Variants in GPSM1 observed in about 807,000 individuals in gnomAD.
GPSM1 encodes the protein G protein signaling modulator 1.
In GPSM1, 48 loss-of-function variants were observed where a neutral mutation model predicts 70.5. That is an observed-to-expected ratio of 0.68 (90% CI 0.54 to 0.87). GPSM1 has a LOEUF of 0.87. GPSM1 is among the 40% of genes least tolerant of loss of function. The probability of loss-of-function intolerance (pLI) is 0.00; values close to 1 mark genes in which losing one functional copy is unlikely to be tolerated. For missense variants in GPSM1, 981 were observed against 972.6 expected, an observed-to-expected ratio of 1.01 and a Z score of -0.11; for synonymous variants, 416 against 430.1, an observed-to-expected ratio of 0.97 and a Z score of 0.41.
chr9:136,327,814 C>A, intron 1 of GPSM1, 51 bp downstream of exon 1: 1 of 767,164 alleles, frequency 1.3e-6, no homozygotes, highest in Non-Finnish European at 1.7e-6. Flanking sequence ...CCGGACCGGG[C>A]CGGGTCGGGA....
In GPSM1 at chr9:136,358,704, G is replaced by A; in HGVS notation, c.*484G>A. The A allele has an allele frequency of 4.9e-6, 1 of 203,484 alleles. No homozygotes were observed. Among genetic ancestry groups the A allele is most frequent in the South Asian group, 7.8e-5 (1 of 12,776 alleles). The allele number at this position is 203,484 out of a possible 1,614,324, so 12.6% of individuals were successfully genotyped here. ...GCTCCACCCCTCCAGCTTCGTCCTG[G>A]GGCAGGGCTCCCTCCAAGCCTGTCT... On this transcript the variant is annotated 3_prime_UTR_variant, in exon 14 of 14. Transcript: ENST00000440944.
At position 136,341,892 on chromosome 9, in the gene GPSM1, C is replaced by T. The variant is rs185667782; in HGVS notation, c.1207+899C>T. On this transcript the variant is annotated intron_variant, in intron 9 of 13. Transcript: ENST00000440944. The surrounding 1 kb of genome is among the most constrained non-coding windows in gnomAD (Gnocchi z 6.7). Reference sequence around the variant, plus strand: ...TGTCAAACTCCCAGCCTCAAGCGATCCTCCCATCTCGGCTTCCAGAAGTGC... The same window carrying T: ...TGTCAAACTCCCAGCCTCAAGCGATTCTCCCATCTCGGCTTCCAGAAGTGC... The T allele has an allele frequency of 8.6e-4, 482 of 562,502 alleles. 1 individual carries two copies. The African/African-American group carries it at 9.3e-3, about 11-fold the overall frequency. The allele number at this position is 562,502 out of a possible 1,614,324, so 34.8% of individuals were successfully genotyped here. A position where few individuals can be genotyped will look rare whatever the true frequency, so the allele number is the denominator to read the frequency against.
chr9:136,349,781 C>A lies in GPSM1; in HGVS notation c.1455+18C>A. 1 of 1,551,474 alleles carries A rather than the reference C, an allele frequency of 6.4e-7. No individual in the cohort carries two copies. Among genetic ancestry groups the A allele is most frequent in the Non-Finnish European group, 8.7e-7 (1 of 1,148,510 alleles). On this transcript the variant is annotated intron_variant, in intron 11 of 13. Transcript: ENST00000440944. ...CACGCACGGTAGGCGTCTTTGACGG[C>A]AGATCCAGGCCGAGAGGGAGGAGAG... is the stretch of plus-strand genomic sequence containing the variant.
At chr9:136,344,164 T>G (rs148730903) in intron 9 of GPSM1, among the ~76,000 whole-genome samples, 80 of 76,924 alleles carry the variant, frequency 1.0e-3, no homozygotes, top group Admixed American at 2.4e-3. Flanking sequence ...GCGGACAGGA[T>G]CGGGGGGAGG....
rs782346097 is a variant in GPSM1, at chr9:136,337,352, G to A, written c.579-89G>A. The A allele has an allele frequency of 1.1e-4, 160 of 1,517,616 alleles. 3 individuals are homozygous for A. The South Asian group carries it at 1.7e-3, about 16-fold the overall frequency. 94.0% of individuals were successfully genotyped at this position (1,517,616 alleles called of 1,614,324 possible). A position where few individuals can be genotyped will look rare whatever the true frequency, so the allele number is the denominator to read the frequency against. On this transcript the variant is annotated intron_variant, in intron 4 of 13. Coordinates refer to ENST00000440944, the MANE Select transcript of GPSM1 (RefSeq NM_001145638.3). ...CTTTCCAGGGCATGGCCCTGAGGCC[G>A]CATGGAGGCCGCTACTCAGCTCTTC...
At chr9:136,345,934 G>T (rs571649758) in intron 9 of GPSM1, among the ~76,000 whole-genome samples, 2 of 152,190 alleles carry the variant, frequency 1.3e-5, no homozygotes, top group Non-Finnish European at 2.9e-5. Context: ...TGCACCACCC[G>T]AGGCTGGGGC....
intron 2 of GPSM1, among the ~76,000 whole-genome samples, chr9:136,335,647 G>A (rs782332657): frequency 6.6e-6 from 1 of 152,012 alleles, no homozygotes; most frequent in Non-Finnish European, 1.5e-5. Context: ...CCTAAGAGCT[G>A]CAGACCCCAG....
At position 136,339,015 on chromosome 9, in the gene GPSM1, C is replaced by T. The variant is rs116050919; in HGVS notation, c.974+305C>T. ...GAGACAGGCTGGCAAACCACAGGCC[C>T]CTAAGTACTGTCTTGTGTGCAGGTC... On this transcript the variant is annotated intron_variant, in intron 7 of 13. Transcript: ENST00000440944. Among the ~76,000 whole-genome samples the T allele has an allele frequency of 5.8e-3, 887 of 152,298 alleles. 12 individuals carry two copies. Among genetic ancestry groups the T allele is most frequent in the African/African-American group, 0.019 (801 of 41,558 alleles).
chr9:136,341,596 G>A lies in GPSM1; in HGVS notation c.1207+603G>A, dbSNP rs1554770324. 5.9e-6 allele frequency: 6 copies of A among 1,015,932 alleles called. No individual in the cohort carries two copies. Among genetic ancestry groups the A allele is most frequent in the Non-Finnish European group, 5.9e-6 (5 of 848,088 alleles). The allele number at this position is 1,015,932 out of a possible 1,614,324, so 62.9% of individuals were successfully genotyped here. On this transcript the variant is annotated intron_variant, in intron 9 of 13. Coordinates refer to ENST00000440944, the MANE Select transcript of GPSM1 (RefSeq NM_001145638.3). This position sits in a 1 kb window ranked among gnomAD's most constrained non-coding sequence, Gnocchi z 6.7. ...TGCCAGGTTGGGCCGACTTCCTGAG[G>A]TGGCTGGCAGGTGGGTGAGGGGCAG...
rs537330227 is a variant in GPSM1 at position 136,358,053 on chromosome 9, G to C, written c.1861G>C (p.Val621Leu). 1 of 1,612,758 alleles carries C rather than the reference G, an allele frequency of 6.2e-7. No homozygotes were observed. Among genetic ancestry groups the C allele is most frequent in the East Asian group, 2.2e-5 (1 of 44,878 alleles). ...TGACCAGCGCTGCCCGCCACCTGAC[G>C]TACTGCCCCGGGGCCCTACCATGCC... ...IDDQRCPPPD[V>L]LPRGPTMPDE... is the part of the protein sequence containing the mutation. Residue 621 changes from valine to leucine, a missense_variant, in exon 14 of 14, where the codon GTA becomes CTA. Coordinates refer to ENST00000440944, the MANE Select transcript of GPSM1 (RefSeq NM_001145638.3).
chr9:136,354,824 C>T (rs1254908566), intron 11 of GPSM1: 5 of 995,748 alleles, frequency 5.0e-6, no homozygotes, highest in Non-Finnish European at 6.0e-6. Flanking sequence ...AGGGCATGGA[C>T]ACAGGGAGCT....
Position 136,327,717 on chromosome 9 carries a change from G to C in GPSM1, c.22G>C (p.Ala8Pro). The C allele has an allele frequency of 8.5e-7, 1 of 1,173,520 alleles. No homozygotes were observed. The highest frequency in any genetic ancestry group is 1.1e-6 in the Non-Finnish European group (1 of 952,130). The allele number at this position is 1,173,520 out of a possible 1,614,324, so 72.7% of individuals were successfully genotyped here. The change falls in exon 1 of 14, where the codon GCG (alanine) becomes CCG (proline). Residue 8 changes from alanine to proline, a missense_variant. Coordinates refer to ENST00000440944, the MANE Select transcript of GPSM1 (RefSeq NM_001145638.3). MAGPAPPAADELPGPAAR... is the reference protein window; with the variant it reads MAGPAPPPADELPGPAAR... ...ACCCATGGCGGGCCCGGCCCCGCCC[G>C]CGGCCGACGAGCTCCCGGGCCCGGC... is the stretch of plus-strand genomic sequence containing the variant.
chr9:136,357,542 C>G (rs1832865350), intron 13 of GPSM1, among the ~76,000 whole-genome samples: 1 of 152,238 alleles, frequency 6.6e-6, no homozygotes, highest in Admixed American at 6.5e-5. Flanking sequence ...CCACCTGACA[C>G]AAGGGGAAGC....
At position 136,359,507 on chromosome 9, in the gene GPSM1, C is replaced by T. The variant is rs1354840943; in HGVS notation, c.*1287C>T. On this transcript the variant is annotated 3_prime_UTR_variant, in exon 14 of 14. Coordinates refer to ENST00000440944, the MANE Select transcript of GPSM1 (RefSeq NM_001145638.3). ...CTTGAATGTATGTGCGTATTTATTGCTCACGTCTGTGCCATGTTGTCAATG... is the reference window on the plus strand; with the variant it reads ...CTTGAATGTATGTGCGTATTTATTGTTCACGTCTGTGCCATGTTGTCAATG... The T allele has an allele frequency of 2.0e-5, 3 of 152,340 alleles. No individual in the cohort carries two copies. The highest frequency in any genetic ancestry group is 2.9e-5 in the Non-Finnish European group (2 of 68,024). 9.4% of individuals were successfully genotyped at this position (152,340 alleles called of 1,614,324 possible).
At chr9:136,351,458 C>T (rs1227703249) in intron 11 of GPSM1, among the ~76,000 whole-genome samples, 1 of 152,232 alleles carries the variant, frequency 6.6e-6, no homozygotes, top group South Asian at 2.1e-4. Context: ...ACATCTGGGC[C>T]GCCAAGGAAG....
In GPSM1 at chr9:136,331,937, C is replaced by T. The variant is rs923582746; in HGVS notation, c.69-2510C>T. The T allele has an allele frequency of 2.0e-5, 8 of 398,014 alleles. No individual in the cohort carries two copies. In the Admixed American group the frequency reaches 3.1e-4, roughly 15 times the overall value. 24.7% of individuals were successfully genotyped at this position (398,014 alleles called of 1,614,324 possible). On this transcript the variant is annotated intron_variant, in intron 1 of 13. Transcript: ENST00000440944. ...GAGGGCAGGGAAGCCTAAGGCCAGC[C>T]CACCCCCCAGGACCCGTGGCCATGG...
rs916366053 is a variant in GPSM1, at chr9:136,351,181, C to T, written c.1455+1418C>T. The stretch of plus-strand genomic sequence containing the variant: ...TGCCCAAGCCCATCCTTCCCACCAG[C>T]AGGGCACAGCCTACCTTCCCCTCAT... On this transcript the variant is annotated intron_variant, in intron 11 of 13. Transcript: ENST00000440944. Among the ~76,000 whole-genome samples, 8 of 152,340 alleles carry T rather than the reference C, an allele frequency of 5.3e-5. No homozygotes were observed. In the East Asian group the frequency reaches 1.5e-3, roughly 29 times the overall value.
chr9:136,340,841 T>G lies in GPSM1; in HGVS notation c.1084-29T>G, dbSNP rs1554770073. On this transcript the variant is annotated intron_variant, in intron 8 of 13. Coordinates refer to ENST00000440944, the MANE Select transcript of GPSM1 (RefSeq NM_001145638.3). This position sits in a 1 kb window ranked among gnomAD's most constrained non-coding sequence, Gnocchi z 7.3. ...CCACAGCAGGGCCCCCAGCCACACC[T>G]GCCCGCTCCGCCACCCCACTCGCCG... 6.5e-7 allele frequency: 1 copy of G among 1,542,794 alleles called. No individual in the cohort carries two copies. The highest frequency in any genetic ancestry group is 1.2e-5 in the South Asian group (1 of 83,322).
In GPSM1 at chr9:136,349,578, C is replaced by G; in HGVS notation, c.1279-9C>G. ...TGCCCAGGCCACGCACAGCCTTACC[C>G]CTCCCCAGGAGCAGAATGGAGACAG... On this transcript the variant is annotated splice_polypyrimidine_tract_variant and intron_variant, in intron 10 of 13. Coordinates refer to ENST00000440944, the MANE Select transcript of GPSM1 (RefSeq NM_001145638.3). The G allele has an allele frequency of 1.3e-6, 2 of 1,549,456 alleles. No homozygotes were observed. The highest frequency in any genetic ancestry group is 1.7e-6 in the Non-Finnish European group (2 of 1,146,296).
Sources: allele counts gnomAD v4.1 joint callset (sites outside exome capture counted in the v4.1 genomes callset), GRCh38; gene constraint gnomAD v4.1.1; non-coding constraint Gnocchi (gnomAD v3.1); transcripts MANE v1.5; gene names NCBI Gene and HGNC (gene_info 2026-07-23, HGNC 2026-07-21).